THOC7: variants seen among roughly 807,000 people sequenced by gnomAD.
THOC7 encodes THO complex subunit 7.
Under a neutral mutation model 33.1 loss-of-function variants are expected in THOC7, and 22 were observed. That is an observed-to-expected ratio of 0.66 (90% CI 0.47 to 0.95). The LOEUF (loss-of-function observed/expected upper bound fraction) is 0.95, where lower values mean the gene tolerates loss of function less well. THOC7 is among the 40% of genes least tolerant of loss of function. The pLI, the probability that THOC7 is intolerant of heterozygous loss-of-function variation, is 0.00. For synonymous variants in THOC7, 77 were observed against 76.8 expected (o/e 1.00, Z -0.01); for missense variants, 184 against 245.3 (o/e 0.75, Z 1.67).
intron 2 of THOC7, among the ~76,000 whole-genome samples, chr3:63,839,338 C>G (rs1701705643): frequency 6.6e-6 from 1 of 152,104 alleles, no homozygotes; most frequent in Non-Finnish European, 1.5e-5. Flanking sequence ...ATAGCAGCAG[C>G]CTTTTATTAG....
At chr3:63,839,177 G>C (rs1483174615) in intron 2 of THOC7, among the ~76,000 whole-genome samples, 1 of 152,060 alleles carries the variant, frequency 6.6e-6, no homozygotes, top group African/African-American at 2.4e-5. Context: ...ACAACAGAAT[G>C]AGACTCTGTC....
chr3:63,834,306 C>G (rs1701582959), intron 7 of THOC7, 107 bp from the exon 8 acceptor site: 1 of 1,017,556 alleles, frequency 9.8e-7, no homozygotes, highest in Non-Finnish European at 1.5e-6. Flanking sequence ...ACAATTAAAG[C>G]TAAGATGGCT....
chr3:63,863,929 G>A (rs1257843050), upstream of THOC7: 110 of 683,360 alleles, frequency 1.6e-4, 1 homozygote, highest in Non-Finnish European at 1.6e-5. Context: ...CGCCTGCTCC[G>A]ACGCCTGAGC....
At chr3:63,839,567 T>C in intron 2 of THOC7, 89 bp downstream of exon 2, 7 of 1,074,602 alleles carry the variant, frequency 6.5e-6, no homozygotes, top group South Asian at 1.3e-5. Flanking sequence ...TTAAGGTGAG[T>C]GAAAATTTGA....
chr3:63,863,581 G>A (rs1174164847), intron 1 of THOC7, 191 bp downstream of exon 1: 6 of 1,197,288 alleles, frequency 5.0e-6, no homozygotes, highest in Non-Finnish European at 6.2e-6. Flanking sequence ...GCTCTGGCGA[G>A]AGGAGGAAGG....
chr3:63,844,552 G>A (rs1161922315), intron 1 of THOC7, among the ~76,000 whole-genome samples: 1 of 152,156 alleles, frequency 6.6e-6, no homozygotes, highest in Non-Finnish European at 1.5e-5. Context: ...ATTAACAGGG[G>A]GAACCTTGAA....
chr3:63,834,781 CA>C (rs1701594706), intron 7 of THOC7, among the ~76,000 whole-genome samples: 1 of 152,066 alleles, frequency 6.6e-6, no homozygotes, highest in Non-Finnish European at 1.5e-5. Flanking sequence ...TCCAGTTCCC[CA>C]AAGCACCCAC....
chr3:63,859,428 C>T (rs188145064), intron 1 of THOC7, among the ~76,000 whole-genome samples: 51 of 152,320 alleles, frequency 3.3e-4, no homozygotes, highest in Middle Eastern at 3.4e-3. Flanking sequence ...CTAGATCCAG[C>T]CCAGTGGCTT....
At chr3:63,849,660 T>C (rs1018775883) in intron 1 of THOC7, among the ~76,000 whole-genome samples, 22 of 152,252 alleles carry the variant, frequency 1.4e-4, no homozygotes, top group Non-Finnish European at 2.9e-5. Flanking sequence ...GGTCTGTGAT[T>C]ATCTTTTGTA....
At chr3:63,839,556 T>C (rs1484881984) in intron 2 of THOC7, 100 bp downstream of exon 2, 3 of 996,826 alleles carry the variant, frequency 3.0e-6, no homozygotes, top group Admixed American at 1.8e-5. Context: ...CCACTGTACA[T>C]TTAAGGTGAG....
rs373519986 is a variant in THOC7, at chr3:63,835,205, G to C, written c.496C>G (p.Gln166Glu). Residue 166 changes from glutamine (Q) to glutamate (E), a missense_variant, in exon 7 of 8, where the codon CAG becomes GAG. By Grantham distance (29) the Gln-to-Glu change is conservative. Around this residue, in one of 3 missense-constraint regions of THOC7, gnomAD observed 157 missense variants for 201.3 expected, o/e 0.78. Transcript: ENST00000295899. ...ATGGTACTAAGAAGAACATGAAACT[G>C]TTTCCGTCTCAATTCCAGCTGTGTT... Reference protein sequence around the residue: ...VEDKLELRRKQFHVLLSTIHE... With the variant: ...VEDKLELRRKEFHVLLSTIHE... 1.2e-6 allele frequency: 2 copies of C among 1,613,472 alleles called. No homozygotes were observed.
chr3:63,842,726 A>C (rs1340981080), intron 1 of THOC7, among the ~76,000 whole-genome samples: 1 of 152,076 alleles, frequency 6.6e-6, no homozygotes, highest in African/African-American at 2.4e-5. Flanking sequence ...GGGTGAGGGA[A>C]AAAAAAACTA....
intron 6 of THOC7, 49 bp from the exon 7 acceptor site, chr3:63,835,272 A>G (rs2107115652): frequency 6.2e-7 from 1 of 1,612,540 alleles, no homozygotes; most frequent in Non-Finnish European, 8.5e-7. Context: ...ATATATAGAT[A>G]TATAGACAGA....
intron 1 of THOC7, among the ~76,000 whole-genome samples, chr3:63,856,969 C>T (rs1422343436): frequency 3.3e-5 from 5 of 152,204 alleles, no homozygotes; most frequent in African/African-American, 1.2e-4. Context: ...CTACCCGCCT[C>T]GGCCTCCCCA....
intron 1 of THOC7, chr3:63,848,533 T>C (rs1160425091): frequency 6.6e-6 from 1 of 152,244 alleles, no homozygotes; most frequent in Non-Finnish European, 1.5e-5. Context: ...CCCCCTAAAA[T>C]GCATAAAATC....
Position 63,837,135 on chromosome 3 carries a change from TATTA to T in THOC7, c.353-781_353-778del, listed in dbSNP as rs1468862764. Among the ~76,000 whole-genome samples, 4 of 151,968 alleles carry T rather than the reference TATTA, an allele frequency of 2.6e-5. No homozygotes were observed. In the East Asian group the frequency reaches 7.7e-4, roughly 29 times the overall value. On this transcript the variant is annotated intron_variant, in intron 4 of 7. Transcript: ENST00000295899. The stretch of plus-strand genomic sequence containing the variant: ...AAATTCATTGTTTTAGAACTGAGCA[TATTA>T]ATTCAAAGTATGATTCTTTTGGATA...
chr3:63,860,256 G>C (rs930549991), intron 1 of THOC7, among the ~76,000 whole-genome samples: 60 of 150,316 alleles, frequency 4.0e-4, no homozygotes, highest in Admixed American at 4.0e-3. Context: ...TGTTGCTTAG[G>C]ATGGTCGCAA....
chr3:63,839,100 G>A (rs1026637265), intron 2 of THOC7, among the ~76,000 whole-genome samples: 2 of 152,104 alleles, frequency 1.3e-5, no homozygotes, highest in Admixed American at 1.3e-4. Flanking sequence ...TGAGGCACGA[G>A]TACTGCTTGA....
chr3:63,834,162 T>C lies in THOC7; in HGVS notation c.585A>G (p.Glu195=). Residue 195 remains glutamate (E), a synonymous_variant, in exon 8 of 8, where the codon GAA becomes GAG. Transcript: ENST00000295899. ...GCTTAGGATCTGTTTCCATGCTTGC[T>C]TCCTGAGCTTCTTCTACCTCTGAGA... ...EKLSEVEEAQ[E]ASMETDPKP The C allele has an allele frequency of 6.2e-7, 1 of 1,614,160 alleles. No individual in the cohort carries two copies. The highest frequency in any genetic ancestry group is 8.5e-7 in the Non-Finnish European group (1 of 1,180,026).
Sources: gnomAD v4.1 joint callset for allele counts (sites outside exome capture counted in the v4.1 genomes callset) on GRCh38, gnomAD v4.1.1 for gene constraint, gnomAD v4.1.1 regional missense constraint, MANE v1.5 for transcripts, NCBI Gene and HGNC (gene_info 2026-07-23, HGNC 2026-07-21) for gene names.